FBXO4: variants seen among roughly 807,000 people sequenced by gnomAD.
FBXO4 encodes the protein F-box protein 4.
In FBXO4, 36 loss-of-function variants were observed where a neutral mutation model predicts 43.7. That is an observed-to-expected ratio of 0.82 (90% CI 0.63 to 1.09). FBXO4 has a LOEUF of 1.09. FBXO4 is among the 50% of genes least tolerant of loss of function. The pLI, the probability that FBXO4 is intolerant of heterozygous loss-of-function variation, is 0.00. For missense variants in FBXO4, 435 were observed against 474.1 expected, an observed-to-expected ratio of 0.92 and a Z score of 0.77; for synonymous variants, 180 against 165.6, an observed-to-expected ratio of 1.09 and a Z score of -0.67.
chr5:41,925,974 T>C (rs752226579), intron 1 of FBXO4, among the ~76,000 whole-genome samples: 7 of 152,202 alleles, frequency 4.6e-5, no homozygotes, highest in Admixed American at 6.5e-5. Flanking sequence ...GTGGCTGTTA[T>C]TGTGTATTTG....
At chr5:42,031,309 G>A in the FBXO4 span, among the ~76,000 whole-genome samples, 1 of 152,038 alleles carries the variant, frequency 6.6e-6, no homozygotes, top group Admixed American at 6.6e-5. Context: ...TCCTTTGTAG[G>A]GACATGGACG....
At chr5:41,952,583 C>T in the FBXO4 span, among the ~76,000 whole-genome samples, 274 of 152,238 alleles carry the variant, frequency 1.8e-3, 2 homozygotes, top group African/African-American at 6.2e-3. Flanking sequence ...CAAAAAGGAA[C>T]TTTGTGCCTT....
chr5:41,993,687 T>C, the FBXO4 span, among the ~76,000 whole-genome samples: 3 of 150,634 alleles, frequency 2.0e-5, no homozygotes, highest in African/African-American at 7.4e-5. Context: ...TTATTAAGTA[T>C]TAATTCACAT....
chr5:41,967,895 T>C, the FBXO4 span: 1 of 566,876 alleles, frequency 1.8e-6, no homozygotes, highest in Non-Finnish European at 3.5e-6. Context: ...ATTATCTCAC[T>C]GTTGATTCCC....
the FBXO4 span, among the ~76,000 whole-genome samples, chr5:42,037,627 C>T: frequency 0.017 from 2,511 of 152,170 alleles, 121 homozygotes; most frequent in East Asian, 0.1. Context: ...AGAAAACAAC[C>T]TGAACATTTT....
the FBXO4 span, among the ~76,000 whole-genome samples, chr5:42,006,571 T>G: frequency 6.6e-6 from 1 of 151,854 alleles, no homozygotes; most frequent in Non-Finnish European, 1.5e-5. Context: ...ATTTAAAAAG[T>G]CAATTTTTTG....
chr5:42,024,563 C>T, the FBXO4 span, among the ~76,000 whole-genome samples: 4 of 151,938 alleles, frequency 2.6e-5, no homozygotes, highest in African/African-American at 9.7e-5. Context: ...TACAAACAAT[C>T]CCGTTAATTC....
intron 3 of FBXO4, among the ~76,000 whole-genome samples, chr5:41,930,758 C>T (rs901421617): frequency 6.6e-6 from 1 of 151,672 alleles, no homozygotes; most frequent in Admixed American, 6.6e-5. Context: ...AGCTCCGCCT[C>T]CCGGGTTCAC....
At chr5:41,966,292 A>G in the FBXO4 span, among the ~76,000 whole-genome samples, 1 of 152,064 alleles carries the variant, frequency 6.6e-6, no homozygotes, top group Non-Finnish European at 1.5e-5. Context: ...AACTTAAAGT[A>G]TAATAAAAAA....
chr5:41,980,743 C>T, the FBXO4 span, among the ~76,000 whole-genome samples: 4 of 151,710 alleles, frequency 2.6e-5, no homozygotes, highest in Non-Finnish European at 5.9e-5. Flanking sequence ...ATATGAGAAC[C>T]ACTTTAGGTT....
the FBXO4 span, chr5:41,968,004 G>GA: frequency 2.1e-5 from 9 of 432,942 alleles, no homozygotes; most frequent in Admixed American, 5.5e-5. Flanking sequence ...TGTTGCCAGA[G>GA]GCCACCTGCT....
At chr5:42,018,540 A>G in the FBXO4 span, among the ~76,000 whole-genome samples, 1 of 152,152 alleles carries the variant, frequency 6.6e-6, no homozygotes, top group African/African-American at 2.4e-5. Flanking sequence ...ATGCCAAAAA[A>G]TTGCTTATTG....
At chr5:41,974,351 A>C in the FBXO4 span, among the ~76,000 whole-genome samples, 3 of 151,914 alleles carry the variant, frequency 2.0e-5, no homozygotes, top group African/African-American at 7.3e-5. Flanking sequence ...AATTACATGT[A>C]TGTTAGATGG....
At chr5:42,020,751 G>A in the FBXO4 span, among the ~76,000 whole-genome samples, 1 of 152,176 alleles carries the variant, frequency 6.6e-6, no homozygotes, top group African/African-American at 2.4e-5. Flanking sequence ...AGAACCGGCA[G>A]TATGGCCTCC....
At chr5:41,933,466 C>T (rs1485113599) in intron 3 of FBXO4, among the ~76,000 whole-genome samples, 4 of 152,176 alleles carry the variant, frequency 2.6e-5, no homozygotes, top group African/African-American at 9.7e-5. Flanking sequence ...GATTCTTCCA[C>T]CTCAGCCTCC....
the FBXO4 span, among the ~76,000 whole-genome samples, chr5:42,027,216 G>T: frequency 2.0e-5 from 3 of 151,656 alleles, no homozygotes; most frequent in Non-Finnish European, 4.4e-5. Flanking sequence ...TTACAGCTTT[G>T]ATCTCATTAC....
the FBXO4 span, among the ~76,000 whole-genome samples, chr5:41,946,924 A>G: frequency 6.6e-6 from 1 of 152,198 alleles, no homozygotes; most frequent in African/African-American, 2.4e-5. Flanking sequence ...TGCACCCATA[A>G]TTTCAATCCC....
chr5:41,975,628 C>A, the FBXO4 span, among the ~76,000 whole-genome samples: 14 of 152,306 alleles, frequency 9.2e-5, no homozygotes, highest in Admixed American at 8.5e-4. Flanking sequence ...GCTGGTACCT[C>A]ACTATACTAA....
At chr5:42,031,021 T>C in the FBXO4 span, among the ~76,000 whole-genome samples, 1 of 152,118 alleles carries the variant, frequency 6.6e-6, no homozygotes, top group South Asian at 2.1e-4. Context: ...GACTGTAAAC[T>C]AGTTCAACCA....
Sources: allele counts gnomAD v4.1 joint callset (sites outside exome capture counted in the v4.1 genomes callset), GRCh38; gene constraint gnomAD v4.1.1; transcripts MANE v1.5; gene names NCBI Gene and HGNC (gene_info 2026-07-23, HGNC 2026-07-21).